UGT1A7: variants seen among roughly 807,000 people sequenced by gnomAD.
The protein encoded by UGT1A7 is UDP-glucuronosyltransferase 1A7.
A neutral mutation model predicts 45.6 loss-of-function variants in UGT1A7; 33 were observed. The ratio of observed to expected loss-of-function variants is 0.72; its 90% CI spans 0.55 to 0.97. The LOEUF (loss-of-function observed/expected upper bound fraction) is 0.97. UGT1A7 is among the 50% of genes least tolerant of loss of function. UGT1A7 has a pLI of 0.00. For missense variants in UGT1A7, 684 were observed against 666.2 expected (o/e 1.03, Z -0.29); for synonymous variants, 274 against 250.6 (o/e 1.09, Z -0.88).
At chr2:233,716,621 G>T (rs1407040696) in intron 1 of UGT1A7, among the ~76,000 whole-genome samples, 2 of 152,070 alleles carry the variant, frequency 1.3e-5, no homozygotes, top group Non-Finnish European at 2.9e-5. Context: ...GTTTATTCTA[G>T]TGAAGTTTTT....
intron 4 of UGT1A7, chr2:233,770,022 T>G (rs12474441): frequency 0.019 from 3,075 of 161,660 alleles, 63 homozygotes; most frequent in Admixed American, 0.065. Context: ...CTTCTTTCCC[T>G]GCACTGTTGA....
chr2:233,742,633 C>A (rs1280681642), intron 1 of UGT1A7: 1 of 152,070 alleles, frequency 6.6e-6, no homozygotes, highest in African/African-American at 2.4e-5. Context: ...TGAAGACAGT[C>A]CTAGTATACC....
At position 233,693,043 on chromosome 2, in the gene UGT1A7, A is replaced by G. The variant is rs774480903; in HGVS notation, c.855+10251A>G. The G allele has an allele frequency of 2.2e-5, 36 of 1,614,048 alleles. No homozygotes were observed. In the Middle Eastern group the frequency reaches 4.9e-4, roughly 22 times the overall value. ...TTCGCTCATTTCAGAGAATTTCTGC[A>G]GGGGTTTTCTTCTTAGCACTTTGGG... On this transcript the variant is annotated intron_variant, in intron 1 of 4. Coordinates refer to ENST00000373426, the MANE Select transcript of UGT1A7 (RefSeq NM_019077.3).
Position 233,772,475 on chromosome 2 carries a change from C to T in UGT1A7, c.1509C>T (p.Thr503=), listed in dbSNP as rs190427553. ...TCGTGCTGACAGTGGCCTTCATCAC[C>T]TTTAAATGTTGTGCTTATGGCTACC... ...LAVVLTVAFI[T]FKCCAYGYRK... is the part of the protein sequence containing the mutation. The change falls in exon 5 of 5, where the codon ACC becomes ACT. Residue 503 remains threonine (T), a synonymous_variant. Transcript: ENST00000373426. 20 of 1,614,018 alleles carry T rather than the reference C, an allele frequency of 1.2e-5. No individual in the cohort carries two copies. The highest frequency in any genetic ancestry group is 5.3e-5 in the African/African-American group (4 of 74,894).
intron 1 of UGT1A7, among the ~76,000 whole-genome samples, chr2:233,716,238 T>C (rs17863791): frequency 0.1 from 15,440 of 152,242 alleles, 905 homozygotes; most frequent in East Asian, 0.2. Context: ...TACATTGTCC[T>C]GCCCGGACAT....
chr2:233,768,267 GT>G lies in UGT1A7; in HGVS notation c.1126del (p.Tyr376MetfsTer11). Reference protein sequence around the residue: ...AFITHAGSHGVYESICNGVPM... With the variant: ...AFITHAGSHGXYESICNGVPM... The stretch of plus-strand genomic sequence containing the variant: ...TATCACCCATGCTGGTTCCCATGGT[GT>G]TTATGAAAGCATATGCAATGGCGTT... On this transcript the variant is annotated frameshift_variant, in exon 4 of 5. Coordinates refer to ENST00000373426, the MANE Select transcript of UGT1A7 (RefSeq NM_019077.3). LOFTEE classifies it high-confidence loss of function. 6.2e-7 allele frequency: 1 copy of G among 1,614,160 alleles called. No homozygotes were observed. The highest frequency in any genetic ancestry group is 8.5e-7 in the Non-Finnish European group (1 of 1,180,032).
chr2:233,704,631 A>G (rs1393550960), intron 1 of UGT1A7, among the ~76,000 whole-genome samples: 1 of 152,120 alleles, frequency 6.6e-6, no homozygotes, highest in Non-Finnish European at 1.5e-5. Flanking sequence ...TGTTATATTA[A>G]CCTTTTTGCT....
chr2:233,710,202 T>C (rs1002766635), intron 1 of UGT1A7, among the ~76,000 whole-genome samples: 1 of 152,262 alleles, frequency 6.6e-6, no homozygotes, highest in African/African-American at 2.4e-5. Context: ...TTTCCAGTTG[T>C]TGGCTATTAT....
At chr2:233,738,057 T>A (rs1690675558) in intron 1 of UGT1A7, among the ~76,000 whole-genome samples, 2 of 152,114 alleles carry the variant, frequency 1.3e-5, no homozygotes, top group Admixed American at 1.3e-4. Flanking sequence ...CAGGACATGG[T>A]GGGAGGTCCC....
chr2:233,689,881 G>A (rs781112072), intron 1 of UGT1A7: 21 of 456,480 alleles, frequency 4.6e-5, no homozygotes, highest in Non-Finnish European at 7.1e-5. Flanking sequence ...CTTATCAAGT[G>A]CCTTATTTAT....
rs2074587451 is a variant in UGT1A7 at position 233,682,619 on chromosome 2, T to C, written c.682T>C (p.Leu228=). Residue 228 remains leucine, a synonymous_variant, in exon 1 of 5, where the codon TTA becomes CTA. Coordinates refer to ENST00000373426, the MANE Select transcript of UGT1A7 (RefSeq NM_019077.3). The part of the protein sequence containing the change: ...LFCPYFFKNV[L]EIASEILQTP... The stretch of plus-strand genomic sequence containing the variant: ...TTGCCCCTATTTTTTCAAAAATGTC[T>C]TAGAAATAGCCTCTGAAATTCTCCA... The C allele has an allele frequency of 6.2e-7, 1 of 1,613,920 alleles. No homozygotes were observed. Among genetic ancestry groups the C allele is most frequent in the Non-Finnish European group, 8.5e-7 (1 of 1,179,832 alleles).
chr2:233,735,442 G>A (rs1187026118), intron 1 of UGT1A7, among the ~76,000 whole-genome samples: 1 of 151,980 alleles, frequency 6.6e-6, no homozygotes, highest in Non-Finnish European at 1.5e-5. Flanking sequence ...ACAGCATACC[G>A]ATGGGCCTTG....
chr2:233,743,388 G>A (rs1692276435), intron 1 of UGT1A7: 2 of 1,234,066 alleles, frequency 1.6e-6, no homozygotes, highest in Non-Finnish European at 2.2e-6. Flanking sequence ...CGTAGGACAT[G>A]CAGAAGGAAG....
intron 1 of UGT1A7, chr2:233,742,090 C>T (rs539350164): frequency 2.6e-5 from 4 of 151,950 alleles, no homozygotes; most frequent in Admixed American, 1.3e-4. Flanking sequence ...TTTTACATTT[C>T]CAGGACCCAC....
At chr2:233,701,840 A>G (rs1343611147) in intron 1 of UGT1A7, among the ~76,000 whole-genome samples, 2 of 152,200 alleles carry the variant, frequency 1.3e-5, no homozygotes, top group African/African-American at 4.8e-5. Context: ...GACACATTCA[A>G]AGCAGTGTGT....
intron 1 of UGT1A7, among the ~76,000 whole-genome samples, chr2:233,705,589 C>CT (rs1259652270): frequency 6.6e-6 from 1 of 152,106 alleles, no homozygotes; most frequent in Non-Finnish European, 1.5e-5. Context: ...GTTTATGGAT[C>CT]TGGGAAAGGC....
chr2:233,770,795 G>A (rs1575855208), intron 4 of UGT1A7: 1 of 152,228 alleles, frequency 6.6e-6, no homozygotes, highest in East Asian at 1.9e-4. Flanking sequence ...TTATAGATAT[G>A]TTTAAAGACA....
intron 1 of UGT1A7, among the ~76,000 whole-genome samples, chr2:233,733,272 C>A (rs1167854143): frequency 6.6e-6 from 1 of 152,152 alleles, no homozygotes; most frequent in African/African-American, 2.4e-5. Context: ...TATTTGACTT[C>A]CTCTTTTCCT....
chr2:233,691,801 C>G (rs958014119), intron 1 of UGT1A7: 21 of 217,940 alleles, frequency 9.6e-5, no homozygotes, highest in Admixed American at 2.6e-4. Context: ...TTATACTTCT[C>G]AAATCTTAAT....
Sources: allele counts gnomAD v4.1 joint callset (sites outside exome capture counted in the v4.1 genomes callset), GRCh38; gene constraint gnomAD v4.1.1; transcripts MANE v1.5; gene names NCBI Gene and HGNC (gene_info 2026-07-23, HGNC 2026-07-21).